The following TTC28 variants were observed in gnomAD, a reference collection of about 807,000 sequenced individuals.
TTC28 encodes the protein tetratricopeptide repeat protein 28.
TTC28 carries 61 observed loss-of-function variants against 198.0 expected under a neutral mutation model. The observed-to-expected ratio is 0.31, with a 90% CI of 0.25 to 0.38. The LOEUF (loss-of-function observed/expected upper bound fraction) is 0.38. Among genes scored for constraint, TTC28 ranks in the 10% least tolerant of loss-of-function variants. The pLI, the probability that TTC28 is intolerant of heterozygous loss-of-function variation, is 1.00. For synonymous variants in TTC28, 1,171 were observed against 1,297.8 expected (o/e 0.90, Z 2.10); for missense variants, 2,678 against 3,164.0 (o/e 0.85, Z 3.69).
At chr22:28,383,005 C>T (rs375127045) in intron 2 of TTC28, among the ~76,000 whole-genome samples, 1 of 152,128 alleles carries the variant, frequency 6.6e-6, no homozygotes, top group Admixed American at 6.5e-5. Context: ...CTTACTTGAC[C>T]TATCATTTAC....
intron 1 of TTC28, 134 bp from the exon 2 acceptor site, chr22:28,629,964 G>T: frequency 2.6e-6 from 2 of 766,760 alleles, no homozygotes; most frequent in Non-Finnish European, 4.1e-6. Context: ...GGGGCCTAAT[G>T]GGAGGTGTTT....
intron 2 of TTC28, among the ~76,000 whole-genome samples, chr22:28,547,264 C>T (rs897857614): frequency 1.3e-5 from 2 of 151,884 alleles, no homozygotes; most frequent in Non-Finnish European, 2.9e-5. Context: ...TGGAACATGG[C>T]AGTAATGCTA....
intron 5 of TTC28, among the ~76,000 whole-genome samples, chr22:28,280,347 A>G (rs2044560732): frequency 1.3e-5 from 2 of 151,282 alleles, no homozygotes; most frequent in Admixed American, 6.6e-5. Context: ...TTTTTTTGAG[A>G]TGGAGTTTTG....
chr22:28,045,803 A>AAAATAC (rs1054537449), intron 12 of TTC28, among the ~76,000 whole-genome samples: 3 of 152,146 alleles, frequency 2.0e-5, no homozygotes, highest in African/African-American at 7.2e-5. Flanking sequence ...GTCTCTACTA[A>AAAATAC]AAATACAAAA....
chr22:28,064,264 T>A (rs1374723146), intron 12 of TTC28, among the ~76,000 whole-genome samples: 1 of 152,170 alleles, frequency 6.6e-6, no homozygotes, highest in East Asian at 1.9e-4. Flanking sequence ...TCCATGTCTG[T>A]GGGTTTGCTG....
intron 5 of TTC28, among the ~76,000 whole-genome samples, chr22:28,231,955 T>C (rs1052427860): frequency 1.3e-5 from 2 of 152,224 alleles, no homozygotes; most frequent in East Asian, 3.8e-4. Flanking sequence ...CCACAGTAGT[T>C]CATAATTGAG....
intron 2 of TTC28, among the ~76,000 whole-genome samples, chr22:28,487,963 T>C (rs1428420670): frequency 1.3e-5 from 2 of 152,212 alleles, no homozygotes; most frequent in African/African-American, 4.8e-5. Context: ...CTTTTAGCCT[T>C]GAAACATACT....
At chr22:28,066,321 G>A (rs1940751219) in intron 12 of TTC28, among the ~76,000 whole-genome samples, 1 of 151,890 alleles carries the variant, frequency 6.6e-6, no homozygotes, top group Admixed American at 6.6e-5. Context: ...GTGTGTGTGT[G>A]TGCGCGCGCG....
At chr22:28,043,317 C>T (rs1247236901) in intron 12 of TTC28, among the ~76,000 whole-genome samples, 1 of 150,978 alleles carries the variant, frequency 6.6e-6, no homozygotes, top group Admixed American at 6.6e-5. Flanking sequence ...TGGTGACCAT[C>T]CTTCCTGCAC....
chr22:28,407,020 G>A (rs574944126), intron 2 of TTC28, among the ~76,000 whole-genome samples: 1 of 152,238 alleles, frequency 6.6e-6, no homozygotes, highest in Non-Finnish European at 1.5e-5. Flanking sequence ...AGATCAAGAT[G>A]TGTTGAAAAG....
At chr22:28,034,099 G>A (rs886360974) in intron 12 of TTC28, among the ~76,000 whole-genome samples, 9 of 152,190 alleles carry the variant, frequency 5.9e-5, no homozygotes, top group Admixed American at 5.9e-4. Context: ...AGCCCCTAAA[G>A]CATTTAGTCT....
At chr22:28,596,610 A>G (rs566246812) in intron 2 of TTC28, among the ~76,000 whole-genome samples, 5 of 152,342 alleles carry the variant, frequency 3.3e-5, no homozygotes, top group Admixed American at 2.6e-4. Flanking sequence ...AGACTAAAAG[A>G]TAAAGCAGCA....
intron 2 of TTC28, among the ~76,000 whole-genome samples, chr22:28,535,611 C>T (rs1050198515): frequency 6.6e-6 from 1 of 152,022 alleles, no homozygotes; most frequent in African/African-American, 2.4e-5. Flanking sequence ...GTGTCCCTAC[C>T]AAAATCTCAT....
chr22:27,989,619 T>C (rs370641901), intron 21 of TTC28, among the ~76,000 whole-genome samples: 4 of 152,202 alleles, frequency 2.6e-5, no homozygotes, highest in African/African-American at 9.6e-5. Flanking sequence ...GCTAATTTTT[T>C]TTAATTTTTG....
chr22:28,381,228 A>C (rs775925230), intron 2 of TTC28, among the ~76,000 whole-genome samples: 10 of 152,084 alleles, frequency 6.6e-5, no homozygotes, highest in Non-Finnish European at 1.5e-4. Context: ...CCCCAGCTCT[A>C]CTGATTGGCA....
chr22:28,350,575 C>T (rs762919386), intron 2 of TTC28, among the ~76,000 whole-genome samples: 19 of 152,060 alleles, frequency 1.2e-4, no homozygotes, highest in Non-Finnish European at 2.2e-4. Context: ...ATGGATGGAA[C>T]CGTATTTCTG....
intron 2 of TTC28, among the ~76,000 whole-genome samples, chr22:28,561,787 C>T (rs891991539): frequency 1.3e-5 from 2 of 152,174 alleles, no homozygotes; most frequent in Admixed American, 6.5e-5. Flanking sequence ...TTTCAACTCT[C>T]GTCTTAAATA....
intron 2 of TTC28, among the ~76,000 whole-genome samples, chr22:28,516,261 G>A (rs2048784763): frequency 6.6e-6 from 1 of 151,986 alleles, no homozygotes; most frequent in Admixed American, 6.6e-5. Context: ...AATTTTCTGA[G>A]GCATGAGATT....
At chr22:28,324,440 A>G (rs1490836613) in intron 2 of TTC28, among the ~76,000 whole-genome samples, 1 of 144,570 alleles carries the variant, frequency 6.9e-6, no homozygotes, top group African/African-American at 2.6e-5. Flanking sequence ...AAAAAAAAAA[A>G]GAAAATTTCA....
Sources: gnomAD v4.1 joint callset for allele counts (sites outside exome capture counted in the v4.1 genomes callset) on GRCh38, gnomAD v4.1.1 for gene constraint, MANE v1.5 for transcripts, NCBI Gene and HGNC (gene_info 2026-07-23, HGNC 2026-07-21) for gene names.